The following ATG12 variants were observed in gnomAD, a reference collection of about 807,000 sequenced individuals.
The protein encoded by ATG12 is ubiquitin-like protein ATG12.
In ATG12, 19 loss-of-function variants were observed where a neutral mutation model predicts 17.6. That is an observed-to-expected ratio of 1.08 (90% CI 0.75 to 1.58). ATG12 has a LOEUF of 1.58. Ranked by LOEUF, ATG12 falls within the 40% of genes most tolerant of loss-of-function variation. The pLI is 0.00. For synonymous variants in ATG12, 75 were observed against 62.4 expected, an observed-to-expected ratio of 1.20 and a Z score of -0.95; for missense variants, 214 against 162.0, an observed-to-expected ratio of 1.32 and a Z score of -1.74.
At chr5:115,837,294 C>A (rs950031459) in intron 2 of ATG12, among the ~76,000 whole-genome samples, 1 of 151,984 alleles carries the variant, frequency 6.6e-6, no homozygotes, top group African/African-American at 2.4e-5. Context: ...AATTCTAGCA[C>A]TTCTGAGGCG....
At chr5:115,832,136 G>A (rs1417603475) in intron 3 of ATG12, among the ~76,000 whole-genome samples, 2 of 152,026 alleles carry the variant, frequency 1.3e-5, no homozygotes, top group Non-Finnish European at 2.9e-5. Context: ...CACAATATAT[G>A]TAATTTTAGC....
intron 3 of ATG12, 41 bp from the exon 4 acceptor site, chr5:115,831,904 T>C: frequency 1.9e-6 from 3 of 1,562,940 alleles, no homozygotes; most frequent in East Asian, 4.6e-5. Flanking sequence ...CAATCTTTTA[T>C]TATTCTTAGA....
rs1002599692 is a variant in ATG12 at position 115,830,353 on chromosome 5, A to G, written c.*1451T>C. The G allele has an allele frequency of 3.3e-5, 5 of 152,112 alleles. No individual in the cohort carries two copies. Among genetic ancestry groups the G allele is most frequent in the African/African-American group, 1.2e-4 (5 of 41,432 alleles). 9.4% of individuals were successfully genotyped at this position (152,112 alleles called of 1,614,324 possible). ...GTGGCAAACAATACGAAAATTCAAC[A>G]TATTTTTATTTGTTAAATATATGAA... On this transcript the variant is annotated 3_prime_UTR_variant, in exon 4 of 4. Coordinates refer to ENST00000509910, the MANE Select transcript of ATG12 (RefSeq NM_004707.4).
At chr5:115,834,681 A>C (rs1218727409) in intron 2 of ATG12, among the ~76,000 whole-genome samples, 1 of 152,158 alleles carries the variant, frequency 6.6e-6, no homozygotes, top group Non-Finnish European at 1.5e-5. Context: ...TGCCCCGATT[A>C]AGTCAGTTAT....
chr5:115,831,800 T>C lies in ATG12; in HGVS notation c.*4A>G, dbSNP rs780304584. ...TGTAGTAGCAAGTTGATTTTCTTTG[T>C]GGTTCATCCCCACGCCTGAGACTTG... is the stretch of plus-strand genomic sequence containing the variant. On this transcript the variant is annotated 3_prime_UTR_variant, in exon 4 of 4. Transcript: ENST00000509910. 1.7e-5 allele frequency: 28 copies of C among 1,611,788 alleles called. No individual in the cohort carries two copies. The highest frequency in any genetic ancestry group is 1.8e-4 in the Middle Eastern group (1 of 5,488).
At chr5:115,836,662 C>T (rs184732500) in intron 2 of ATG12, among the ~76,000 whole-genome samples, 2 of 152,160 alleles carry the variant, frequency 1.3e-5, no homozygotes, top group Admixed American at 1.3e-4. Flanking sequence ...CCAAAAATTC[C>T]TGATTTTATT....
At position 115,841,449 on chromosome 5, in the gene ATG12, G is replaced by A. The variant is rs767053680; in HGVS notation, c.104C>T (p.Pro35Leu). The A allele has an allele frequency of 1.2e-5, 20 of 1,609,652 alleles. No individual in the cohort carries two copies. The highest frequency in any genetic ancestry group is 1.7e-5 in the Admixed American group (1 of 58,178). ...TCCCGGGGAAACTGCAGCGGAAGACGGGGGCTCCGGGGTGGTTGTTTCTGG... is the reference window on the plus strand; with the variant it reads ...TCCCGGGGAAACTGCAGCGGAAGACAGGGGCTCCGGGGTGGTTGTTTCTGG... ...VSPETTTPEP[P>L]SSAAVSPGTE... The change falls in exon 1 of 4, where the codon CCG (proline) becomes CTG (leucine). Residue 35 changes from proline to leucine, a missense_variant. Transcript: ENST00000509910.
At chr5:115,833,724 G>A (rs565914674) in intron 2 of ATG12, 1 of 152,320 alleles carries the variant, frequency 6.6e-6, no homozygotes, top group South Asian at 2.1e-4. Context: ...GGTTATGGCT[G>A]AGTAGAGTTC....
chr5:115,837,859 C>T (rs912298663), intron 1 of ATG12, 95 bp from the exon 2 acceptor site: 11 of 1,022,766 alleles, frequency 1.1e-5, no homozygotes, highest in Non-Finnish European at 1.2e-5. Context: ...ATTTAATCTA[C>T]ATCCATCTTA....
At position 115,829,901 on chromosome 5, in the gene ATG12, A is replaced by G. The variant is rs1760793893; in HGVS notation, c.*1903T>C. ...CAAGGCGGGTGGATCACCTGAGGTCAGTCAGGAGTTTGAGACCAGCCTGGC... is the reference window on the plus strand; with the variant it reads ...CAAGGCGGGTGGATCACCTGAGGTCGGTCAGGAGTTTGAGACCAGCCTGGC... On this transcript the variant is annotated 3_prime_UTR_variant, in exon 4 of 4. Coordinates refer to ENST00000509910, the MANE Select transcript of ATG12 (RefSeq NM_004707.4). The G allele has an allele frequency of 6.6e-6, 1 of 152,200 alleles. No homozygotes were observed. The highest frequency in any genetic ancestry group is 2.1e-4 in the South Asian group (1 of 4,828). The allele number at this position is 152,200 out of a possible 1,614,324, so 9.4% of individuals were successfully genotyped here. A position where few individuals can be genotyped will look rare whatever the true frequency, so the allele number is the denominator to read the frequency against.
chr5:115,836,803 A>C (rs1170566362), intron 2 of ATG12, among the ~76,000 whole-genome samples: 1 of 152,222 alleles, frequency 6.6e-6, no homozygotes, highest in Non-Finnish European at 1.5e-5. Flanking sequence ...AAAAACACTT[A>C]ATGTGCCAAA....
chr5:115,835,513 CCTTT>C (rs1761057063), intron 2 of ATG12, among the ~76,000 whole-genome samples: 1 of 152,098 alleles, frequency 6.6e-6, no homozygotes, highest in Non-Finnish European at 1.5e-5. Context: ...CTCTTTCCTT[CCTTT>C]CTCATGTCCC....
chr5:115,836,497 T>C (rs542677225), intron 2 of ATG12, among the ~76,000 whole-genome samples: 2 of 152,336 alleles, frequency 1.3e-5, no homozygotes, highest in African/African-American at 4.8e-5. Flanking sequence ...GCTTCACTTT[T>C]GTGAGAGCAC....
intron 1 of ATG12, among the ~76,000 whole-genome samples, chr5:115,840,206 G>A (rs534708380): frequency 1.4e-3 from 211 of 152,232 alleles, no homozygotes; most frequent in African/African-American, 4.7e-3. Flanking sequence ...GGAAATGGGA[G>A]TCTGATTTAA....
In ATG12 at chr5:115,829,607, A is replaced by G. The variant is rs1760781042; in HGVS notation, c.*2197T>C. 6.6e-6 allele frequency: 1 copy of G among 152,232 alleles called. No homozygotes were observed. Among genetic ancestry groups the G allele is most frequent in the Non-Finnish European group, 1.5e-5 (1 of 68,034 alleles). The allele number at this position is 152,232 out of a possible 1,614,324, so 9.4% of individuals were successfully genotyped here. A position where few individuals can be genotyped will look rare whatever the true frequency, so the allele number is the denominator to read the frequency against. ...ATATTAATGACATCTATTTAGTCAC[A>G]AAGAAAATTTAAAATATCACCTGAA... On this transcript the variant is annotated 3_prime_UTR_variant, in exon 4 of 4. Transcript: ENST00000509910.
chr5:115,830,113 G>C lies in ATG12; in HGVS notation c.*1691C>G, dbSNP rs1760804102. On this transcript the variant is annotated 3_prime_UTR_variant, in exon 4 of 4. Coordinates refer to ENST00000509910, the MANE Select transcript of ATG12 (RefSeq NM_004707.4). The stretch of plus-strand genomic sequence containing the variant: ...GCCTGGGCAACAAGACCGAAACGCT[G>C]TCTCTTTAAAAAAAAAAAAAAAAAA... 1.0e-5 allele frequency: 1 copy of C among 96,176 alleles called. No individual in the cohort carries two copies. The highest frequency in any genetic ancestry group is 4.7e-5 in the African/African-American group (1 of 21,210). 6.0% of individuals were successfully genotyped at this position (96,176 alleles called of 1,614,324 possible).
chr5:115,828,236 AT>A lies in ATG12; in HGVS notation c.*3567del, dbSNP rs1240048034. On this transcript the variant is annotated 3_prime_UTR_variant, in exon 4 of 4. Transcript: ENST00000509910. ...TGAGCTTTATTAGTGTTATTCCAAT[AT>A]TTAGGACATAGTAGGCACTCAATAT... The A allele has an allele frequency of 6.6e-6, 1 of 152,188 alleles. No individual in the cohort carries two copies. Among genetic ancestry groups the A allele is most frequent in the Non-Finnish European group, 1.5e-5 (1 of 68,018 alleles). The allele number at this position is 152,188 out of a possible 1,614,324, so 9.4% of individuals were successfully genotyped here.
chr5:115,830,204 A>G lies in ATG12; in HGVS notation c.*1600T>C, dbSNP rs772559413. On this transcript the variant is annotated 3_prime_UTR_variant, in exon 4 of 4. Coordinates refer to ENST00000509910, the MANE Select transcript of ATG12 (RefSeq NM_004707.4). ...AAAGAAAACAAATAAGGTTAGCTACATATTTAGCTAACCTTAGATTTAATA... is the reference window on the plus strand; with the variant it reads ...AAAGAAAACAAATAAGGTTAGCTACGTATTTAGCTAACCTTAGATTTAATA... The G allele has an allele frequency of 4.6e-5, 7 of 151,816 alleles. No individual in the cohort carries two copies. The highest frequency in any genetic ancestry group is 7.4e-5 in the Non-Finnish European group (5 of 67,968). The allele number at this position is 151,816 out of a possible 1,614,324, so 9.4% of individuals were successfully genotyped here. A position where few individuals can be genotyped will look rare whatever the true frequency, so the allele number is the denominator to read the frequency against.
chr5:115,841,524 T>C lies in ATG12; in HGVS notation c.29A>G (p.Gln10Arg), dbSNP rs756320117. 4.0e-5 allele frequency: 64 copies of C among 1,613,338 alleles called. No homozygotes were observed. Among genetic ancestry groups the C allele is most frequent in the Non-Finnish European group, 4.9e-5 (58 of 1,179,784 alleles). Residue 10 changes from glutamine (Q) to arginine (R), a missense_variant, in exon 1 of 4, where the codon CAG becomes CGG. By Grantham distance (43) the Gln-to-Arg change is conservative. Transcript: ENST00000509910. ...TCCAGCAGCAATTGAAGTAGGAAGCTGCAACACAGACTGCGGCTCCTCCGC... is the reference window on the plus strand; with the variant it reads ...TCCAGCAGCAATTGAAGTAGGAAGCCGCAACACAGACTGCGGCTCCTCCGC... MAEEPQSVL[Q>R]LPTSIAAGGE...
Sources: allele counts gnomAD v4.1 joint callset (sites outside exome capture counted in the v4.1 genomes callset), GRCh38; gene constraint gnomAD v4.1.1; transcripts MANE v1.5; gene names NCBI Gene and HGNC (gene_info 2026-07-23, HGNC 2026-07-21).